EPHA4: variants seen among roughly 807,000 people sequenced by gnomAD.
EPHA4 encodes the protein EPH receptor A4.
In EPHA4, 19 loss-of-function variants were observed where a neutral mutation model predicts 108.3. The observed-to-expected ratio is 0.18, with a 90% CI of 0.12 to 0.26. EPHA4 has a LOEUF of 0.26. EPHA4 is among the 10% of genes least tolerant of loss of function. The pLI is 1.00. For synonymous variants in EPHA4, 449 were observed against 455.5 expected, an observed-to-expected ratio of 0.99 and a Z score of 0.18; for missense variants, 917 against 1,254.0, an observed-to-expected ratio of 0.73 and a Z score of 4.06.
rs10208054 is a variant in EPHA4 at position 221,443,961 on chromosome 2, T to G, written c.1775-355A>C. On this transcript the variant is annotated intron_variant, in intron 9 of 17. Coordinates refer to ENST00000281821, the MANE Select transcript of EPHA4 (RefSeq NM_004438.5). ...TTTGCATGAAGTCCTACCCACTACT[T>G]TCAGTTATCCTCCCTTAGGGAAGGA... 3.9e-3 allele frequency among the ~76,000 whole-genome samples: 593 copies of G among 152,338 alleles called. 4 individuals are homozygous for G. Among genetic ancestry groups the G allele is most frequent in the African/African-American group, 0.014 (569 of 41,578 alleles).
At chr2:221,440,572 T>C (rs901131929) in intron 11 of EPHA4, among the ~76,000 whole-genome samples, 2 of 151,126 alleles carry the variant, frequency 1.3e-5, no homozygotes. Context: ...GCCTTCACCT[T>C]ATGCGGAAAA....
intron 4 of EPHA4, among the ~76,000 whole-genome samples, chr2:221,499,976 C>T (rs551139334): frequency 2.0e-5 from 3 of 151,528 alleles, no homozygotes; most frequent in South Asian, 4.2e-4. Context: ...AGGCTAGTCT[C>T]GAACTCCTGA....
chr2:221,540,549 C>T (rs1400488314), intron 3 of EPHA4, among the ~76,000 whole-genome samples: 5 of 152,214 alleles, frequency 3.3e-5, no homozygotes, highest in African/African-American at 4.8e-5. Flanking sequence ...AAGTCATGCT[C>T]TGCACGGGAC....
At chr2:221,539,130 T>G (rs188914706) in intron 3 of EPHA4, among the ~76,000 whole-genome samples, 176 of 152,258 alleles carry the variant, frequency 1.2e-3, no homozygotes, top group African/African-American at 3.9e-3. Context: ...CCAGGAGTAG[T>G]AGCAGCAGTA....
intron 8 of EPHA4, among the ~76,000 whole-genome samples, chr2:221,455,245 T>C (rs531127032): frequency 1.3e-5 from 2 of 152,186 alleles, no homozygotes; most frequent in Admixed American, 1.3e-4. Context: ...AGTCCAGGCT[T>C]AAGAGAGGGA....
intron 4 of EPHA4, among the ~76,000 whole-genome samples, chr2:221,493,415 A>G (rs1692208444): frequency 6.6e-6 from 1 of 152,084 alleles, no homozygotes; most frequent in Admixed American, 6.6e-5. Flanking sequence ...TTGAAAATGG[A>G]TGTGAGATTC....
chr2:221,442,397 C>T (rs931047672), intron 11 of EPHA4, among the ~76,000 whole-genome samples: 6 of 152,186 alleles, frequency 3.9e-5, no homozygotes, highest in African/African-American at 7.2e-5. Context: ...AAGCAAATCC[C>T]GCAATATATT....
At chr2:221,479,928 T>C (rs2106138925) in intron 5 of EPHA4, among the ~76,000 whole-genome samples, 1 of 152,318 alleles carries the variant, frequency 6.6e-6, no homozygotes, top group Non-Finnish European at 1.5e-5. Context: ...TCAGCAAACC[T>C]CCTTGGCAGG....
At chr2:221,515,097 T>TTTTG (rs998850245) in intron 3 of EPHA4, among the ~76,000 whole-genome samples, 1 of 152,134 alleles carries the variant, frequency 6.6e-6, no homozygotes, top group African/African-American at 2.4e-5. Flanking sequence ...CTACCTCAAT[T>TTTTG]TTTGTTTGTT....
intron 3 of EPHA4, among the ~76,000 whole-genome samples, chr2:221,502,231 C>T (rs772099063): frequency 5.9e-5 from 9 of 152,058 alleles, no homozygotes; most frequent in Non-Finnish European, 1.0e-4. Flanking sequence ...CTTTCATGAT[C>T]GCCTCTCAAA....
chr2:221,453,188 C>A (rs181276737), intron 8 of EPHA4, among the ~76,000 whole-genome samples: 1 of 152,276 alleles, frequency 6.6e-6, no homozygotes, highest in African/African-American at 2.4e-5. Flanking sequence ...CAGAGAAGTG[C>A]TCTGAGCATC....
chr2:221,451,129 A>T (rs1345513167), intron 8 of EPHA4, among the ~76,000 whole-genome samples: 1 of 152,136 alleles, frequency 6.6e-6, no homozygotes, highest in Non-Finnish European at 1.5e-5. Flanking sequence ...CATGAGAATC[A>T]CTTGAACCCA....
intron 3 of EPHA4, among the ~76,000 whole-genome samples, chr2:221,529,673 C>A (rs935755072): frequency 6.6e-6 from 1 of 152,146 alleles, no homozygotes. Context: ...TTTGAGACAA[C>A]GCTGAAGGGC....
At chr2:221,493,483 C>T (rs559188218) in intron 4 of EPHA4, among the ~76,000 whole-genome samples, 114 of 151,970 alleles carry the variant, frequency 7.5e-4, no homozygotes, top group Middle Eastern at 3.4e-3. Flanking sequence ...GAAAAGAGTC[C>T]CTCCCTTCTC....
chr2:221,566,802 G>T (rs1694644692), intron 2 of EPHA4, among the ~76,000 whole-genome samples: 1 of 141,320 alleles, frequency 7.1e-6, no homozygotes, highest in Non-Finnish European at 1.5e-5. Flanking sequence ...AGAAGAAGAG[G>T]GAGAAGAAGA....
chr2:221,454,952 T>A (rs1048580919), intron 8 of EPHA4, among the ~76,000 whole-genome samples: 1 of 152,186 alleles, frequency 6.6e-6, no homozygotes, highest in Admixed American at 6.5e-5. Context: ...GAAATGCTGA[T>A]GGCTTTTCCT....
chr2:221,439,274 A>C (rs1690339534), intron 11 of EPHA4, among the ~76,000 whole-genome samples: 3 of 151,338 alleles, frequency 2.0e-5, no homozygotes, highest in African/African-American at 7.3e-5. Context: ...ACAAATAGGA[A>C]ATGCTTAGTT....
At chr2:221,507,179 G>A (rs1692656046) in intron 3 of EPHA4, among the ~76,000 whole-genome samples, 1 of 152,152 alleles carries the variant, frequency 6.6e-6, no homozygotes, top group Non-Finnish European at 1.5e-5. Context: ...TACTAGGATT[G>A]AGCCTCTACT....
chr2:221,540,096 T>G (rs1028856371), intron 3 of EPHA4, among the ~76,000 whole-genome samples: 1 of 152,126 alleles, frequency 6.6e-6, no homozygotes, highest in African/African-American at 2.4e-5. Context: ...TTTTTTGTAT[T>G]TTTACTAGAG....
Sources: gnomAD v4.1 joint callset for allele counts (sites outside exome capture counted in the v4.1 genomes callset) on GRCh38, gnomAD v4.1.1 for gene constraint, MANE v1.5 for transcripts, NCBI Gene and HGNC (gene_info 2026-07-23, HGNC 2026-07-21) for gene names.